Variants in SERPINA12 observed in about 807,000 individuals in gnomAD.
SERPINA12 encodes the protein serpin A12.
Under a neutral mutation model 25.9 loss-of-function variants are expected in SERPINA12, and 21 were observed. The observed-to-expected ratio is 0.81, with a 90% CI of 0.58 to 1.17. The LOEUF (loss-of-function observed/expected upper bound fraction) is 1.17, where lower values mean the gene tolerates loss of function less well. Ranked by LOEUF, SERPINA12 falls within the 50% of genes most tolerant of loss-of-function variation. The probability of loss-of-function intolerance (pLI) is 0.00; values close to 1 mark genes in which losing one functional copy is unlikely to be tolerated. For synonymous variants in SERPINA12, 220 were observed against 196.0 expected, an observed-to-expected ratio of 1.12 and a Z score of -1.02; for missense variants, 562 against 508.3, an observed-to-expected ratio of 1.11 and a Z score of -1.02.
intron 1 of SERPINA12, among the ~76,000 whole-genome samples, chr14:94,506,043 T>A (rs1900920043): frequency 6.6e-6 from 1 of 152,154 alleles, no homozygotes; most frequent in East Asian, 1.9e-4. Context: ...AGCCTAGACT[T>A]GAGGCTGCCC....
chr14:94,505,006 A>G (rs112549193), intron 1 of SERPINA12, among the ~76,000 whole-genome samples: 8 of 152,378 alleles, frequency 5.3e-5, no homozygotes, highest in African/African-American at 1.9e-4. Flanking sequence ...GGGATGGAAG[A>G]GCAATAAGCT....
intron 1 of SERPINA12, among the ~76,000 whole-genome samples, chr14:94,516,368 C>T (rs1416437076): frequency 6.6e-6 from 1 of 152,152 alleles, no homozygotes; most frequent in Non-Finnish European, 1.5e-5. Flanking sequence ...CCAGAACCCA[C>T]ATCTGTCACT....
intron 1 of SERPINA12, among the ~76,000 whole-genome samples, chr14:94,506,221 T>C (rs78398042): frequency 0.015 from 2,251 of 152,264 alleles, 85 homozygotes; most frequent in East Asian, 0.15. Flanking sequence ...TTTACATTAT[T>C]GCCATGTGTA....
chr14:94,489,963 C>T (rs1900093166), intron 3 of SERPINA12, among the ~76,000 whole-genome samples, 196 bp from the exon 4 acceptor site: 1 of 152,130 alleles, frequency 6.6e-6, no homozygotes, highest in African/African-American at 2.4e-5. Flanking sequence ...TGAACCGTGT[C>T]CCTGCCTCCC....
At chr14:94,508,539 T>C (rs555720595) in intron 1 of SERPINA12, among the ~76,000 whole-genome samples, 1 of 152,274 alleles carries the variant, frequency 6.6e-6, no homozygotes, top group East Asian at 1.9e-4. Flanking sequence ...AAATTACAAG[T>C]GTTGGAATAA....
chr14:94,490,977 C>G (rs1900156414), intron 3 of SERPINA12, among the ~76,000 whole-genome samples: 1 of 152,210 alleles, frequency 6.6e-6, no homozygotes, highest in Non-Finnish European at 1.5e-5. Context: ...CTTCTCTTTT[C>G]CACCTTCACT....
chr14:94,511,293 T>A (rs1181617316), upstream of SERPINA12: 1 of 475,824 alleles, frequency 2.1e-6, no homozygotes. Context: ...CTTACAAGTC[T>A]GTGAGGGACC....
chr14:94,499,875 A>G (rs760788383), intron 1 of SERPINA12, among the ~76,000 whole-genome samples: 8 of 152,136 alleles, frequency 5.3e-5, no homozygotes, highest in Non-Finnish European at 1.2e-4. Context: ...TGTCCTCTGG[A>G]TGCAGGTCAT....
intron 3 of SERPINA12, among the ~76,000 whole-genome samples, chr14:94,494,933 C>T (rs1390554315): frequency 1.3e-5 from 2 of 152,134 alleles, no homozygotes; most frequent in Non-Finnish European, 2.9e-5. Flanking sequence ...TCCCTGGTTC[C>T]CAGTGGGAAG....
chr14:94,496,578 T>A lies in SERPINA12; in HGVS notation c.700A>T (p.Ser234Cys). The change falls in exon 3 of 5, where the codon AGT becomes TGT. Residue 234 changes from serine to cysteine, a missense_variant. Physicochemically the swap from Ser to Cys is moderately radical, Grantham distance 112 (BLOSUM62 -1). Transcript: ENST00000677451. ...KEEDFFLEKNSSVKVPMMFRS... is the reference protein window; with the variant it reads ...KEEDFFLEKNCSVKVPMMFRS... ...AACATCATGGGCACCTTGACTGAAC[T>A]GTTTTTCTCCAGAAAGAAATCTTCC... The A allele has an allele frequency of 2.5e-6, 4 of 1,614,060 alleles. No homozygotes were observed. Among genetic ancestry groups the A allele is most frequent in the Non-Finnish European group, 3.4e-6 (4 of 1,179,916 alleles).
At chr14:94,487,539 C>A (rs771229444) in intron 4 of SERPINA12, 45 bp from the exon 5 acceptor site, 4 of 1,532,198 alleles carry the variant, frequency 2.6e-6, no homozygotes, top group South Asian at 2.5e-5. Flanking sequence ...AGCTCCTTGG[C>A]GACCACAGTG....
intron 2 of SERPINA12, among the ~76,000 whole-genome samples, chr14:94,497,145 A>G (rs1050697524): frequency 6.6e-6 from 1 of 152,314 alleles, no homozygotes; most frequent in Admixed American, 6.5e-5. Flanking sequence ...GTTTGTGTAC[A>G]TGTGTTCTGT....
intron 3 of SERPINA12, among the ~76,000 whole-genome samples, chr14:94,492,343 G>C (rs902823101): frequency 6.6e-6 from 1 of 152,120 alleles, no homozygotes; most frequent in African/African-American, 2.4e-5. Context: ...AATAACTGGG[G>C]GAAAGCAGAG....
At chr14:94,495,129 C>T (rs571417496) in intron 3 of SERPINA12, among the ~76,000 whole-genome samples, 13 of 126,920 alleles carry the variant, frequency 1.0e-4, no homozygotes, top group South Asian at 5.3e-4. Context: ...AGTGCAGTGG[C>T]GGGATCTCGG....
chr14:94,495,258 C>T (rs4905210), intron 3 of SERPINA12, among the ~76,000 whole-genome samples: 17,056 of 150,960 alleles, frequency 0.11, 1,081 homozygotes, highest in African/African-American at 0.16. Flanking sequence ...TTAGTAGAGA[C>T]AGGGTTTCAC....
At chr14:94,492,889 A>G (rs1218863683) in intron 3 of SERPINA12, among the ~76,000 whole-genome samples, 4 of 152,250 alleles carry the variant, frequency 2.6e-5, no homozygotes, top group Admixed American at 2.0e-4. Context: ...TGGGGAAATC[A>G]GAGCAGCACC....
chr14:94,488,030 C>T (rs779548109), intron 4 of SERPINA12, among the ~76,000 whole-genome samples: 6 of 152,280 alleles, frequency 3.9e-5, no homozygotes, highest in East Asian at 3.9e-4. Context: ...AATCCTGGCA[C>T]ATTTCTTGCT....
At chr14:94,490,690 C>G (rs939641268) in intron 3 of SERPINA12, among the ~76,000 whole-genome samples, 1 of 152,108 alleles carries the variant, frequency 6.6e-6, no homozygotes, top group Non-Finnish European at 1.5e-5. Context: ...ATCTCCACTC[C>G]CTCCCACAAT....
At chr14:94,497,617 C>G (rs1900491860) in intron 2 of SERPINA12, 147 bp downstream of exon 2, 1 of 695,024 alleles carries the variant, frequency 1.4e-6, no homozygotes, top group Non-Finnish European at 2.4e-6. Context: ...TCATGGTAAC[C>G]ATTTTACAGA....
Sources: allele counts gnomAD v4.1 joint callset (sites outside exome capture counted in the v4.1 genomes callset), GRCh38; gene constraint gnomAD v4.1.1; transcripts MANE v1.5; gene names NCBI Gene and HGNC (gene_info 2026-07-23, HGNC 2026-07-21).